The following CTNNA2 variants were observed in gnomAD, a reference collection of about 807,000 sequenced individuals.
The protein encoded by CTNNA2 is catenin alpha 2, also known as catenin alpha-2.
CTNNA2 carries 42 observed loss-of-function variants against 101.0 expected under a neutral mutation model. That is an observed-to-expected ratio of 0.42 (90% confidence interval 0.32 to 0.54). CTNNA2 has a LOEUF of 0.54. Ranked by LOEUF, CTNNA2 falls within the 20% of genes least tolerant of loss-of-function variation. The pLI is 0.14. For missense variants in CTNNA2, 871 were observed against 1,223.1 expected (o/e 0.71, Z 4.29); for synonymous variants, 450 against 456.4 (o/e 0.99, Z 0.18).
intron 7 of CTNNA2, among the ~76,000 whole-genome samples, chr2:80,164,990 G>A (rs946464186): frequency 5.2e-5 from 7 of 134,926 alleles, no homozygotes; most frequent in African/African-American, 1.2e-4. Context: ...CTTAATTTTC[G>A]GAAGTGTAAA....
At chr2:80,140,210 C>T (rs1702924323) in intron 7 of CTNNA2, among the ~76,000 whole-genome samples, 1 of 152,132 alleles carries the variant, frequency 6.6e-6, no homozygotes, top group Admixed American at 6.6e-5. Context: ...AATTTGAAAA[C>T]CAAATGCACC....
intron 7 of CTNNA2, among the ~76,000 whole-genome samples, chr2:80,329,258 G>T (rs1235237861): frequency 6.6e-6 from 1 of 152,130 alleles, no homozygotes; most frequent in African/African-American, 2.4e-5. Flanking sequence ...GGAAAAATAT[G>T]CAACAAGGAG....
chr2:79,804,477 G>T (rs1056940274), intron 3 of CTNNA2, among the ~76,000 whole-genome samples: 1 of 152,136 alleles, frequency 6.6e-6, no homozygotes, highest in Non-Finnish European at 1.5e-5. Context: ...TTCTTATTTG[G>T]AGTAGTTGAA....
rs531822445 is a variant in CTNNA2 at position 80,545,448 on chromosome 2, A to G, written c.1383+374A>G. 2.0e-5 allele frequency among the ~76,000 whole-genome samples: 3 copies of G among 152,090 alleles called. No individual in the cohort carries two copies. In the East Asian group the frequency reaches 5.8e-4, roughly 29 times the overall value. On this transcript the variant is annotated intron_variant, in intron 10 of 18. Coordinates refer to ENST00000402739, the MANE Select transcript of CTNNA2 (RefSeq NM_001282597.3). ...TAGTCCCAGTTTACTGGGGAGTCTG[A>G]GGTGAGAGGATTGCTGGGGCTCAGG...
chr2:80,030,534 G>A (rs189651378), intron 7 of CTNNA2: 2 of 152,240 alleles, frequency 1.3e-5, no homozygotes, highest in East Asian at 1.9e-4. Context: ...GTTTTGTTTC[G>A]TTGTCCTGAG....
chr2:79,675,857 T>G (rs1284385761), intron 2 of CTNNA2, among the ~76,000 whole-genome samples: 1 of 152,234 alleles, frequency 6.6e-6, no homozygotes, highest in Non-Finnish European at 1.5e-5. Flanking sequence ...CTTTCTTAAA[T>G]TTAACTTCTA....
At chr2:80,123,598 A>G (rs545533393) in intron 7 of CTNNA2, among the ~76,000 whole-genome samples, 94 of 152,310 alleles carry the variant, frequency 6.2e-4, no homozygotes, top group African/African-American at 2.2e-3. Context: ...GCTAGTGAAC[A>G]ATCGTTTCTC....
intron 4 of CTNNA2, among the ~76,000 whole-genome samples, chr2:79,491,072 GA>G (rs1671203385): frequency 6.6e-6 from 1 of 152,036 alleles, no homozygotes; most frequent in Non-Finnish European, 1.5e-5. Flanking sequence ...AGAGGAAGAG[GA>G]AAAAAATTTG....
chr2:80,490,869 G>A (rs1687010625), intron 9 of CTNNA2, among the ~76,000 whole-genome samples: 1 of 152,012 alleles, frequency 6.6e-6, no homozygotes. Context: ...TATTTATTTG[G>A]TTTTATGTTA....
chr2:79,408,064 T>C (rs1678359620), intron 4 of CTNNA2, among the ~76,000 whole-genome samples: 1 of 152,002 alleles, frequency 6.6e-6, no homozygotes, highest in African/African-American at 2.4e-5. Context: ...GACTTGGAAC[T>C]ATTCAGTTCC....
chr2:79,318,703 C>T (rs1429981045), intron 3 of CTNNA2, among the ~76,000 whole-genome samples: 2 of 152,202 alleles, frequency 1.3e-5, no homozygotes, highest in Non-Finnish European at 2.9e-5. Flanking sequence ...TTTATAAATA[C>T]AATTTTATTG....
At chr2:79,636,127 G>T (rs866692639) in intron 1 of CTNNA2, among the ~76,000 whole-genome samples, 1 of 150,396 alleles carries the variant, frequency 6.6e-6, no homozygotes, top group African/African-American at 2.4e-5. Context: ...AAAATTAGCC[G>T]GGCGTGGTGG....
chr2:80,550,645 G>A lies in CTNNA2; in HGVS notation c.1540+4582G>A, dbSNP rs377017420. 2.4e-4 allele frequency among the ~76,000 whole-genome samples: 37 copies of A among 152,220 alleles called. 1 individual carries two copies. Among genetic ancestry groups the A allele is most frequent in the African/African-American group, 8.4e-4 (35 of 41,540 alleles). On this transcript the variant is annotated intron_variant, in intron 11 of 18. Coordinates refer to ENST00000402739, the MANE Select transcript of CTNNA2 (RefSeq NM_001282597.3). ...GGGATAGATTACATCTCAAGAAGCC[G>A]CTTTGCTCATACATAAGCAATTCCT... is the stretch of plus-strand genomic sequence containing the variant.
intron 2 of CTNNA2, among the ~76,000 whole-genome samples, chr2:79,282,799 T>A (rs1675432665): frequency 8.6e-6 from 1 of 115,962 alleles, no homozygotes; most frequent in South Asian, 3.2e-4. Flanking sequence ...GGTCAAATGG[T>A]ATTTCTAGTT....
At chr2:79,965,819 G>C (rs1574426248) in intron 7 of CTNNA2, among the ~76,000 whole-genome samples, 1 of 76,790 alleles carries the variant, frequency 1.3e-5, no homozygotes. Flanking sequence ...GATGGAGTGA[G>C]ACTATGTCAA....
chr2:79,248,265 G>A (rs1367271886), intron 2 of CTNNA2, among the ~76,000 whole-genome samples: 1 of 152,110 alleles, frequency 6.6e-6, no homozygotes, highest in African/African-American at 2.4e-5. Flanking sequence ...GGCCAGAAAT[G>A]TGAGCCACAC....
At chr2:79,680,890 A>G (rs1683518101) in intron 2 of CTNNA2, among the ~76,000 whole-genome samples, 1 of 145,224 alleles carries the variant, frequency 6.9e-6, no homozygotes, top group Non-Finnish European at 1.5e-5. Context: ...GTCCTGAATG[A>G]CTGCTGCAGT....
At chr2:80,130,394 A>G (rs1330995297) in intron 7 of CTNNA2, among the ~76,000 whole-genome samples, 1 of 152,104 alleles carries the variant, frequency 6.6e-6, no homozygotes, top group Non-Finnish European at 1.5e-5. Flanking sequence ...TATTCCAACT[A>G]TTTTTCATGA....
At chr2:79,603,561 A>C (rs1677687475) in intron 1 of CTNNA2, among the ~76,000 whole-genome samples, 1 of 138,806 alleles carries the variant, frequency 7.2e-6, no homozygotes, top group South Asian at 2.1e-4. Context: ...GCAATCTCAT[A>C]ATTTAAAAAC....
Sources: allele counts gnomAD v4.1 joint callset (sites outside exome capture counted in the v4.1 genomes callset), GRCh38; gene constraint gnomAD v4.1.1; transcripts MANE v1.5; gene names NCBI Gene and HGNC (gene_info 2026-07-23, HGNC 2026-07-21).